CD200R1L: variants seen among roughly 807,000 people sequenced by gnomAD.
CD200R1L encodes the protein CD200 receptor 1 like.
Under a neutral mutation model 24.8 loss-of-function variants are expected in CD200R1L, and 14 were observed. That is an observed-to-expected ratio of 0.56 (90% CI 0.37 to 0.88). CD200R1L has a LOEUF of 0.88. Among genes scored for constraint, CD200R1L ranks in the 40% least tolerant of loss-of-function variants. The probability of loss-of-function intolerance (pLI) is 0.00; values close to 1 mark genes in which losing one functional copy is unlikely to be tolerated. For synonymous variants in CD200R1L, 111 were observed against 109.2 expected, an observed-to-expected ratio of 1.02 and a Z score of -0.11; for missense variants, 299 against 297.8, an observed-to-expected ratio of 1.00 and a Z score of -0.03.
rs1481823883 is a variant in CD200R1L at position 112,846,638 on chromosome 3, C to T, written c.-372G>A. The T allele has an allele frequency of 1.3e-5, 2 of 152,182 alleles. No individual in the cohort carries two copies. The highest frequency in any genetic ancestry group is 4.8e-5 in the African/African-American group (2 of 41,442). 9.4% of individuals were successfully genotyped at this position (152,182 alleles called of 1,614,324 possible). On this transcript the variant is annotated 5_prime_UTR_variant, in exon 1 of 8. Transcript: ENST00000488794. ...AATCCCCAGTACCTCAGAAGATGAC[C>T]TTATTTGGAAATAGGGTCATTGGAG...
chr3:112,840,801 G>A (rs1026593803), intron 2 of CD200R1L, among the ~76,000 whole-genome samples: 1 of 152,050 alleles, frequency 6.6e-6, no homozygotes, highest in Non-Finnish European at 1.5e-5. Flanking sequence ...TTGTTTGCTG[G>A]GTGTTAATAC....
chr3:112,837,561 C>T (rs1267803913), intron 3 of CD200R1L, among the ~76,000 whole-genome samples: 1 of 152,142 alleles, frequency 6.6e-6, no homozygotes, highest in Non-Finnish European at 1.5e-5. Flanking sequence ...ATAATTTATG[C>T]CTTCTGAAAT....
intron 2 of CD200R1L, among the ~76,000 whole-genome samples, chr3:112,838,492 A>AC (rs1033419727): frequency 1.3e-4 from 19 of 151,890 alleles, no homozygotes; most frequent in Admixed American, 3.3e-4. Flanking sequence ...AAACAAACAA[A>AC]AAAAAACGGT....
chr3:112,821,707 C>A (rs1938541564), intron 6 of CD200R1L, among the ~76,000 whole-genome samples: 1 of 152,124 alleles, frequency 6.6e-6, no homozygotes, highest in African/African-American at 2.4e-5. Flanking sequence ...TTGTCCTAAA[C>A]CTTGGCAAAA....
chr3:112,827,423 C>A lies in CD200R1L; in HGVS notation c.311G>T (p.Gly104Val). The A allele has an allele frequency of 6.2e-7, 1 of 1,614,140 alleles. No homozygotes were observed. Among genetic ancestry groups the A allele is most frequent in the East Asian group, 2.2e-5 (1 of 44,884 alleles). The stretch of plus-strand genomic sequence containing the variant: ...ATTCCCATCAGGTGTTACCACTATG[C>A]CTCTGTAATACCCGTCATGAGTGGT... ...VDTTHDGYYR[G>V]IVVTPDGNFH... Residue 104 changes from glycine (G) to valine (V), a missense_variant, in exon 5 of 8, where the codon GGC becomes GTC. Physicochemically the swap from Gly to Val is moderately radical, Grantham distance 109. Transcript: ENST00000488794.
chr3:112,841,186 C>A, intron 2 of CD200R1L: 1 of 373,182 alleles, frequency 2.7e-6, no homozygotes, highest in South Asian at 2.0e-5. Context: ...CCCCCTAGTG[C>A]TGTCTCATGA....
intron 3 of CD200R1L, among the ~76,000 whole-genome samples, chr3:112,834,999 A>T: frequency 6.6e-6 from 1 of 152,286 alleles, no homozygotes; most frequent in South Asian, 2.1e-4. Flanking sequence ...TGGGCTCCCC[A>T]AAGAGCCACA....
intron 6 of CD200R1L, 100 bp from the exon 7 acceptor site, chr3:112,819,995 T>A: frequency 9.2e-7 from 1 of 1,092,614 alleles, no homozygotes; most frequent in Non-Finnish European, 1.3e-6. Flanking sequence ...TTCTTAAGAG[T>A]TCATGGACTG....
rs753819964 is a variant in CD200R1L at position 112,827,042 on chromosome 3, A to G, written c.567T>C (p.His189=). 8.1e-6 allele frequency: 13 copies of G among 1,611,162 alleles called. No individual in the cohort carries two copies. The highest frequency in any genetic ancestry group is 1.3e-5 in the African/African-American group (1 of 74,856). The part of the protein sequence containing the change: ...WEGHKSTVTC[H]VSHLTGNKSL... ...TCTTGTTGCCAGTCAAATGGGAGAC[A>G]TGGCAGGTCACAGTAGACTTGTGGC... Residue 189 remains histidine (H), a synonymous_variant, in exon 6 of 8, where the codon CAT becomes CAC. Transcript: ENST00000488794.
chr3:112,825,806 A>C (rs1471588606), intron 6 of CD200R1L, among the ~76,000 whole-genome samples: 1 of 152,202 alleles, frequency 6.6e-6, no homozygotes, highest in Non-Finnish European at 1.5e-5. Context: ...TAAGGAGATA[A>C]AAGGGAAAAA....
At chr3:112,844,679 C>A (rs1207335874) in intron 2 of CD200R1L, among the ~76,000 whole-genome samples, 3 of 152,090 alleles carry the variant, frequency 2.0e-5, no homozygotes, top group Non-Finnish European at 4.4e-5. Context: ...GTAATCCCAG[C>A]ACTTTGGGAG....
At chr3:112,846,125 A>G (rs1939197692) in intron 1 of CD200R1L, among the ~76,000 whole-genome samples, 175 bp from the exon 2 acceptor site, 3 of 152,222 alleles carry the variant, frequency 2.0e-5, no homozygotes. Flanking sequence ...TTCTACCTAT[A>G]TATGCGCTTA....
intron 4 of CD200R1L, among the ~76,000 whole-genome samples, chr3:112,828,754 G>A (rs1387024): frequency 0.68 from 102,801 of 151,890 alleles, 35,052 homozygotes; most frequent in African/African-American, 0.76. Flanking sequence ...CATGCATCTC[G>A]TAAGCCAACA....
intron 3 of CD200R1L, among the ~76,000 whole-genome samples, chr3:112,837,593 G>A (rs1231268169): frequency 6.6e-6 from 1 of 152,262 alleles, no homozygotes; most frequent in Non-Finnish European, 1.5e-5. Context: ...CTGTGCAAAA[G>A]CCACTCTCTG....
intron 3 of CD200R1L, chr3:112,829,704 G>T (rs1160427231): frequency 5.5e-6 from 1 of 181,934 alleles, no homozygotes; most frequent in Non-Finnish European, 1.0e-5. Context: ...GGGTCCATGT[G>T]GGCATCTCAC....
At chr3:112,832,276 A>T (rs2107344330) in intron 3 of CD200R1L, among the ~76,000 whole-genome samples, 1 of 152,340 alleles carries the variant, frequency 6.6e-6, no homozygotes, top group Admixed American at 6.5e-5. Flanking sequence ...TCGGAGTCAG[A>T]TGATAAAAGA....
At chr3:112,836,414 A>G (rs1938948249) in intron 3 of CD200R1L, among the ~76,000 whole-genome samples, 1 of 152,236 alleles carries the variant, frequency 6.6e-6, no homozygotes. Context: ...GTTTTTATAT[A>G]ATGGGAGTAG....
chr3:112,826,978 G>A lies in CD200R1L; in HGVS notation c.616+15C>T. On this transcript the variant is annotated intron_variant, in intron 6 of 7. Transcript: ENST00000488794. ...GAGCATCAAGTTTACTCTTCTACAAGAAACAGGCGCTTACCTGAATTCAAC... is the reference window on the plus strand; with the variant it reads ...GAGCATCAAGTTTACTCTTCTACAAAAAACAGGCGCTTACCTGAATTCAAC... 1 of 1,565,480 alleles carries A rather than the reference G, an allele frequency of 6.4e-7. No homozygotes were observed. Among genetic ancestry groups the A allele is most frequent in the Non-Finnish European group, 8.6e-7 (1 of 1,158,832 alleles).
At chr3:112,819,172 CA>C (rs1407457906) in intron 7 of CD200R1L, among the ~76,000 whole-genome samples, 10 of 152,224 alleles carry the variant, frequency 6.6e-5, no homozygotes, top group South Asian at 2.1e-4. Context: ...TCCCATGATC[CA>C]ATCACCTACA....
Sources: gnomAD v4.1 joint callset for allele counts (sites outside exome capture counted in the v4.1 genomes callset) on GRCh38, gnomAD v4.1.1 for gene constraint, MANE v1.5 for transcripts, NCBI Gene and HGNC (gene_info 2026-07-23, HGNC 2026-07-21) for gene names.